CLSTN2: variants seen among roughly 807,000 people sequenced by gnomAD.
CLSTN2 encodes the protein calsyntenin 2.
A neutral mutation model predicts 101.2 loss-of-function variants in CLSTN2; 48 were observed. The observed-to-expected ratio is 0.47, with a 90% CI of 0.38 to 0.60. The LOEUF (loss-of-function observed/expected upper bound fraction) is 0.60, where lower values mean the gene tolerates loss of function less well. CLSTN2 is among the 20% of genes least tolerant of loss of function. CLSTN2 has a pLI of 0.00. For missense variants in CLSTN2, 1,160 were observed against 1,238.2 expected (o/e 0.94, Z 0.95); for synonymous variants, 481 against 463.6 (o/e 1.04, Z -0.48).
At chr3:140,372,343 C>T (rs1198422269) in intron 2 of CLSTN2, among the ~76,000 whole-genome samples, 1 of 152,174 alleles carries the variant, frequency 6.6e-6, no homozygotes, top group Non-Finnish European at 1.5e-5. Flanking sequence ...GCATGCTGTG[C>T]TCCCTGGCCT....
chr3:140,209,293 T>A (rs1020112596), intron 2 of CLSTN2, among the ~76,000 whole-genome samples: 1 of 152,176 alleles, frequency 6.6e-6, no homozygotes, highest in Non-Finnish European at 1.5e-5. Context: ...AGGCATTGAC[T>A]TTGCATCTCT....
intron 1 of CLSTN2, among the ~76,000 whole-genome samples, chr3:140,099,437 T>C (rs2008928508): frequency 6.6e-6 from 1 of 152,080 alleles, no homozygotes; most frequent in African/African-American, 2.4e-5. Context: ...TGGTGTCTTA[T>C]AGGGACTCTT....
rs578028747 is a variant in CLSTN2 at position 140,376,238 on chromosome 3, G to A, written c.233-27391G>A. The stretch of plus-strand genomic sequence containing the variant: ...TCCAAATGCAAAAAAGAAAGGATCA[G>A]AGTGAGCAGTTCAGCTTGGCTCAGT... On this transcript the variant is annotated intron_variant, in intron 2 of 16. Transcript: ENST00000458420. Among the ~76,000 whole-genome samples the A allele has an allele frequency of 5.9e-5, 9 of 152,296 alleles. No homozygotes were observed. In the South Asian group the frequency reaches 1.9e-3, roughly 32 times the overall value.
chr3:140,344,259 G>A (rs2087519598), intron 2 of CLSTN2, among the ~76,000 whole-genome samples: 1 of 152,170 alleles, frequency 6.6e-6, no homozygotes, highest in African/African-American at 2.4e-5. Flanking sequence ...AGCTCATTGT[G>A]CTGTGCCTGG....
At chr3:140,335,142 G>A (rs1029979462) in intron 2 of CLSTN2, among the ~76,000 whole-genome samples, 9 of 152,208 alleles carry the variant, frequency 5.9e-5, no homozygotes, top group Admixed American at 5.9e-4. Context: ...ACCTGATAAA[G>A]GCTGCTGCAT....
chr3:140,392,553 G>T (rs74320233), intron 2 of CLSTN2, among the ~76,000 whole-genome samples: 2 of 151,982 alleles, frequency 1.3e-5, no homozygotes, highest in Admixed American at 6.6e-5. Flanking sequence ...TAAAAATAAA[G>T]TTTAAACTCT....
rs1410996082 is a variant in CLSTN2, at chr3:140,563,990, A to C, written c.2512A>C (p.Ile838Leu). ...VVPSIATVVIIISVCMLVFVV... is the reference protein window; with the variant it reads ...VVPSIATVVILISVCMLVFVV... Reference sequence around the variant, plus strand: ...CCCAAGCATTGCCACAGTGGTCATCATCATCTCCGTGTGCATGCTTGTGTT... The same window carrying C: ...CCCAAGCATTGCCACAGTGGTCATCCTCATCTCCGTGTGCATGCTTGTGTT... Residue 838 changes from isoleucine to leucine, a missense_variant, in exon 16 of 17, where the codon ATC becomes CTC. Physicochemically the swap from Ile to Leu is conservative, Grantham distance 5 (BLOSUM62 2). Coordinates refer to ENST00000458420, the MANE Select transcript of CLSTN2 (RefSeq NM_022131.3). 2 of 1,614,088 alleles carry C rather than the reference A, an allele frequency of 1.2e-6. No individual in the cohort carries two copies. Among genetic ancestry groups the C allele is most frequent in the African/African-American group, 1.3e-5 (1 of 75,030 alleles).
chr3:140,258,753 T>C (rs770218308), intron 2 of CLSTN2, among the ~76,000 whole-genome samples: 6 of 152,212 alleles, frequency 3.9e-5, no homozygotes, highest in Non-Finnish European at 7.3e-5. Flanking sequence ...GTTTTAACAA[T>C]ATGTTGGAAA....
chr3:140,554,446 CTT>C (rs931789943), intron 10 of CLSTN2, among the ~76,000 whole-genome samples: 1 of 152,168 alleles, frequency 6.6e-6, no homozygotes, highest in Non-Finnish European at 1.5e-5. Flanking sequence ...AAAATACAAA[CTT>C]AAACTACACT....
chr3:140,457,991 G>C (rs780917743), intron 6 of CLSTN2, among the ~76,000 whole-genome samples: 2 of 152,124 alleles, frequency 1.3e-5, no homozygotes, highest in Non-Finnish European at 2.9e-5. Context: ...GGGTTCTAAG[G>C]ATACATGCTC....
chr3:140,161,013 C>T (rs1480845577), intron 1 of CLSTN2, among the ~76,000 whole-genome samples: 1 of 152,142 alleles, frequency 6.6e-6, no homozygotes, highest in East Asian at 1.9e-4. Context: ...CATCTTTTAA[C>T]ACACACTTAA....
At chr3:140,198,131 C>T (rs1436083986) in intron 2 of CLSTN2, among the ~76,000 whole-genome samples, 2 of 152,092 alleles carry the variant, frequency 1.3e-5, no homozygotes, top group Admixed American at 1.3e-4. Flanking sequence ...GGAAAAATGT[C>T]TTTATATCAT....
intron 9 of CLSTN2, among the ~76,000 whole-genome samples, chr3:140,539,197 T>G (rs933241093): frequency 1.3e-5 from 2 of 150,996 alleles, no homozygotes; most frequent in Admixed American, 6.6e-5. Flanking sequence ...TCAGGATCTA[T>G]AGAAGGTTAA....
At chr3:140,210,680 G>T (rs544752331) in intron 2 of CLSTN2, among the ~76,000 whole-genome samples, 1 of 152,046 alleles carries the variant, frequency 6.6e-6, no homozygotes, top group Non-Finnish European at 1.5e-5. Flanking sequence ...ACCAGTCTTC[G>T]CACCATCCCT....
chr3:140,548,904 G>C (rs1016005187), intron 10 of CLSTN2, among the ~76,000 whole-genome samples: 1 of 151,464 alleles, frequency 6.6e-6, no homozygotes, highest in Non-Finnish European at 1.5e-5. Flanking sequence ...GGGGAAGATG[G>C]GAGGAGTACA....
chr3:140,411,332 G>A (rs1052804807), intron 4 of CLSTN2, among the ~76,000 whole-genome samples: 2 of 152,116 alleles, frequency 1.3e-5, no homozygotes, highest in African/African-American at 2.4e-5. Context: ...AGACAAAGAA[G>A]GTCATTATAT....
intron 4 of CLSTN2, among the ~76,000 whole-genome samples, chr3:140,413,081 G>A (rs184176620): frequency 1.1e-3 from 174 of 151,890 alleles, no homozygotes; most frequent in South Asian, 1.7e-3. Flanking sequence ...CTAGAAGACC[G>A]TATAAAAGAT....
chr3:140,236,168 T>C (rs1480281346), intron 2 of CLSTN2, among the ~76,000 whole-genome samples: 6 of 152,138 alleles, frequency 3.9e-5, no homozygotes, highest in Non-Finnish European at 8.8e-5. Context: ...TTTTTAAAAA[T>C]TTACCAAATA....
intron 11 of CLSTN2, among the ~76,000 whole-genome samples, chr3:140,557,998 G>A (rs930572318): frequency 2.0e-5 from 3 of 152,236 alleles, no homozygotes; most frequent in Admixed American, 2.0e-4. Context: ...AGAAACTGAG[G>A]TTCACAGGAG....
Sources: allele counts gnomAD v4.1 joint callset (sites outside exome capture counted in the v4.1 genomes callset), GRCh38; gene constraint gnomAD v4.1.1; transcripts MANE v1.5; gene names NCBI Gene and HGNC (gene_info 2026-07-23, HGNC 2026-07-21).